ANO3: variants seen among roughly 807,000 people sequenced by gnomAD.
ANO3 encodes anoctamin 3, also known as anoctamin-3.
In ANO3, 99 loss-of-function variants were observed where a neutral mutation model predicts 144.8. The ratio of observed to expected loss-of-function variants is 0.68; its 90% CI spans 0.58 to 0.81. The LOEUF is 0.81. Ranked by LOEUF, ANO3 falls within the 30% of genes least tolerant of loss-of-function variation. The pLI is 0.00. For missense variants in ANO3, 905 were observed against 1,202.2 expected (o/e 0.75, Z 3.66); for synonymous variants, 414 against 392.6 (o/e 1.05, Z -0.64).
chr11:26,396,897 C>T (rs1007357293), intron 1 of ANO3, among the ~76,000 whole-genome samples: 1 of 151,758 alleles, frequency 6.6e-6, no homozygotes, highest in African/African-American at 2.4e-5. Flanking sequence ...ACCTATGTAA[C>T]AAACCTGCAC....
chr11:26,530,459 GTCTATCTATCTA>G (rs543380394), intron 7 of ANO3, among the ~76,000 whole-genome samples: 52 of 124,054 alleles, frequency 4.2e-4, no homozygotes, highest in African/African-American at 1.2e-3. Context: ...CTATCTGTCT[GTCTATCTATCTA>G]TCTATCTATC....
intron 1 of ANO3, among the ~76,000 whole-genome samples, chr11:26,225,080 A>G (rs1401667779): frequency 1.3e-5 from 2 of 152,334 alleles, no homozygotes; most frequent in East Asian, 3.9e-4. Context: ...CTCTCCTTAG[A>G]GAGCCATCTT....
At chr11:26,299,794 T>A (rs1330623776) in intron 1 of ANO3, among the ~76,000 whole-genome samples, 1 of 152,168 alleles carries the variant, frequency 6.6e-6, no homozygotes, top group Non-Finnish European at 1.5e-5. Flanking sequence ...TGGCCTTTGT[T>A]GGAATACAGT....
At chr11:26,609,239 C>T (rs1852021864) in intron 17 of ANO3, among the ~76,000 whole-genome samples, 1 of 152,148 alleles carries the variant, frequency 6.6e-6, no homozygotes, top group Non-Finnish European at 1.5e-5. Flanking sequence ...CTGTTCCTTC[C>T]ACTCAGTGGA....
chr11:26,640,930 G>C (rs1402518149), intron 21 of ANO3, among the ~76,000 whole-genome samples: 1 of 152,086 alleles, frequency 6.6e-6, no homozygotes, highest in African/African-American at 2.4e-5. Flanking sequence ...CCTTCATGAG[G>C]CTCTGGAGGC....
At chr11:26,573,304 T>A (rs947603223) in intron 14 of ANO3, among the ~76,000 whole-genome samples, 1 of 152,162 alleles carries the variant, frequency 6.6e-6, no homozygotes, top group African/African-American at 2.4e-5. Flanking sequence ...AGAGTTTGAT[T>A]AGAAATTAAA....
At chr11:26,232,086 T>C (rs1006110902) in intron 1 of ANO3, among the ~76,000 whole-genome samples, 5 of 152,190 alleles carry the variant, frequency 3.3e-5, no homozygotes, top group African/African-American at 1.2e-4. Flanking sequence ...ACCCTTCTAA[T>C]AAATGTGCCC....
intron 18 of ANO3, among the ~76,000 whole-genome samples, chr11:26,629,397 CCTATCTAT>C (rs34205606): frequency 4.6e-5 from 7 of 150,946 alleles, no homozygotes; most frequent in Non-Finnish European, 1.0e-4. Context: ...TTACATTATT[CCTATCTAT>C]CTATCTATCT....
At chr11:26,494,991 T>G (rs1860869228) in intron 4 of ANO3, among the ~76,000 whole-genome samples, 1 of 152,178 alleles carries the variant, frequency 6.6e-6, no homozygotes. Context: ...CAAAGAAGCC[T>G]ATAAAAATGG....
At chr11:26,618,135 A>G (rs989736980) in intron 17 of ANO3, among the ~76,000 whole-genome samples, 2 of 152,280 alleles carry the variant, frequency 1.3e-5, no homozygotes, top group African/African-American at 2.4e-5. Flanking sequence ...TTAATATTCT[A>G]TTGATCAAAA....
chr11:26,499,301 G>A (rs1043561138), intron 4 of ANO3, among the ~76,000 whole-genome samples: 57 of 151,612 alleles, frequency 3.8e-4, no homozygotes, highest in African/African-American at 1.3e-3. Flanking sequence ...GAATGTAATT[G>A]CATGTACCAG....
chr11:26,431,469 G>A (rs10767531), intron 1 of ANO3, among the ~76,000 whole-genome samples: 40,228 of 152,058 alleles, frequency 0.26, 6,162 homozygotes, highest in African/African-American at 0.42. Context: ...AGATAAACTC[G>A]TGCCACAGGT....
At chr11:26,643,382 T>A (rs768700626) in intron 23 of ANO3, 48 bp downstream of exon 23, 2 of 1,602,248 alleles carry the variant, frequency 1.2e-6, no homozygotes, top group Non-Finnish European at 1.7e-6. Context: ...CACCAATAGG[T>A]TGCTATGGTT....
At chr11:26,273,890 T>C (rs375593719) in intron 1 of ANO3, among the ~76,000 whole-genome samples, 6 of 152,284 alleles carry the variant, frequency 3.9e-5, no homozygotes, top group African/African-American at 1.2e-4. Flanking sequence ...AAGCAAATCA[T>C]ATATACTATA....
Position 26,367,520 on chromosome 11 carries a change from C to G in ANO3, c.46+35199C>G, listed in dbSNP as rs771401092. ...TTTCCCTCATCTGTCTTCTTCTGAG[C>G]CCCCAAACTTTTCCAACATCTGTCT... is the stretch of plus-strand genomic sequence containing the variant. On this transcript the variant is annotated intron_variant, in intron 1 of 26. Coordinates refer to ENST00000256737, the MANE Select transcript of ANO3 (RefSeq NM_031418.4). Among the ~76,000 whole-genome samples the G allele has an allele frequency of 1.7e-3, 260 of 151,912 alleles. 1 individual carries two copies. Among genetic ancestry groups the G allele is most frequent in the Non-Finnish European group, 3.0e-3 (201 of 67,990 alleles).
intron 1 of ANO3, among the ~76,000 whole-genome samples, chr11:26,284,860 G>A (rs10834952): frequency 0.06 from 9,111 of 152,164 alleles, 498 homozygotes; most frequent in African/African-American, 0.14. Context: ...AGCCGAGATC[G>A]CCCCACTGCA....
intron 1 of ANO3, among the ~76,000 whole-genome samples, chr11:26,259,236 T>A (rs1853127051): frequency 6.6e-6 from 1 of 152,182 alleles, no homozygotes; most frequent in Non-Finnish European, 1.5e-5. Context: ...GATTGACTCT[T>A]GTGTTTGTAT....
chr11:26,319,138 A>T (rs1854697571), intron 1 of ANO3, among the ~76,000 whole-genome samples: 1 of 140,708 alleles, frequency 7.1e-6, no homozygotes. Flanking sequence ...CACTACTTCC[A>T]GATAACATTA....
At chr11:26,490,126 A>T (rs1297941072) in intron 4 of ANO3, among the ~76,000 whole-genome samples, 2 of 151,970 alleles carry the variant, frequency 1.3e-5, no homozygotes, top group African/African-American at 2.4e-5. Context: ...ACCAAGGGGG[A>T]GGTAATTGAA....
Sources: allele counts gnomAD v4.1 joint callset (sites outside exome capture counted in the v4.1 genomes callset), GRCh38; gene constraint gnomAD v4.1.1; transcripts MANE v1.5; gene names NCBI Gene and HGNC (gene_info 2026-07-23, HGNC 2026-07-21).